Variants in NDRG2 observed in about 807,000 individuals in gnomAD.
NDRG2 encodes NDRG family member 2, also known as protein NDRG2.
A neutral mutation model predicts 58.2 loss-of-function variants in NDRG2; 34 were observed. The observed-to-expected ratio is 0.58, with a 90% CI of 0.44 to 0.78. The LOEUF (loss-of-function observed/expected upper bound fraction) is 0.78. Ranked by LOEUF, NDRG2 falls within the 30% of genes least tolerant of loss-of-function variation. NDRG2 has a pLI of 0.00. For synonymous variants in NDRG2, 187 were observed against 175.9 expected (o/e 1.06, Z -0.50); for missense variants, 434 against 471.2 (o/e 0.92, Z 0.73).
At chr14:21,051,780 C>T (rs1419645059) in intron 1 of NDRG2, among the ~76,000 whole-genome samples, 1 of 152,178 alleles carries the variant, frequency 6.6e-6, no homozygotes, top group Non-Finnish European at 1.5e-5. Flanking sequence ...ACAGGTCTGT[C>T]ACCACCAGGA....
At chr14:21,031,352 A>C in intron 1 of NDRG2, 1 of 660,266 alleles carries the variant, frequency 1.5e-6, no homozygotes, top group Admixed American at 3.5e-5. Context: ...CCCAAGGTCC[A>C]TGGCTATTTT....
chr14:21,018,739 C>T lies in NDRG2; in HGVS notation c.813+24G>A, dbSNP rs758960135. 5 of 1,614,016 alleles carry T rather than the reference C, an allele frequency of 3.1e-6. No individual in the cohort carries two copies. In the South Asian group the frequency reaches 5.5e-5, roughly 18 times the overall value. ...TTAGGACCCCAACCCTCCTCCCTCACTCACCCCAAAATTCCCTACTAACCA... is the reference window on the plus strand; with the variant it reads ...TTAGGACCCCAACCCTCCTCCCTCATTCACCCCAAAATTCCCTACTAACCA... On this transcript the variant is annotated intron_variant, in intron 12 of 15. Transcript: ENST00000556147.
intron 1 of NDRG2, chr14:21,042,553 T>G: frequency 1.1e-5 from 2 of 184,462 alleles, no homozygotes; most frequent in East Asian, 3.2e-4. Flanking sequence ...AGGGACTGGA[T>G]TTAGGGGAGA....
chr14:21,020,946 C>G (rs1416734580), intron 6 of NDRG2, 102 bp from the exon 7 acceptor site: 1 of 1,315,356 alleles, frequency 7.6e-7, no homozygotes, highest in East Asian at 2.3e-5. Flanking sequence ...AGTCCACGGG[C>G]ACAAAGAAAG....
At chr14:21,055,728 C>A (rs1885646356) in intron 1 of NDRG2, among the ~76,000 whole-genome samples, 1 of 152,144 alleles carries the variant, frequency 6.6e-6, no homozygotes. Flanking sequence ...CCATCCCCAC[C>A]CTCTCATTTC....
At chr14:21,069,718 G>GC (rs1156635304) in intron 1 of NDRG2, among the ~76,000 whole-genome samples, 1 of 152,232 alleles carries the variant, frequency 6.6e-6, no homozygotes, top group Non-Finnish European at 1.5e-5. Flanking sequence ...GGGCGGGCAA[G>GC]CCCCCGGGGG....
intron 1 of NDRG2, chr14:21,030,989 T>C (rs1264616543): frequency 6.3e-7 from 1 of 1,585,996 alleles, no homozygotes; most frequent in Non-Finnish European, 8.6e-7. Context: ...CCAAAGTTTC[T>C]GGATTTCTGT....
chr14:21,020,961 A>G, intron 6 of NDRG2, 117 bp from the exon 7 acceptor site: 1 of 1,152,780 alleles, frequency 8.7e-7, no homozygotes, highest in South Asian at 1.3e-5. Flanking sequence ...AGAAAGGCAG[A>G]CACGGACCTT....
chr14:21,069,589 C>T (rs1886510462), intron 1 of NDRG2, among the ~76,000 whole-genome samples: 2 of 152,208 alleles, frequency 1.3e-5, no homozygotes, highest in Admixed American at 6.5e-5. Context: ...GGATGTCCGC[C>T]CCCTATCCCA....
chr14:21,026,117 G>T (rs544985360), upstream of NDRG2, among the ~76,000 whole-genome samples: 321 of 152,174 alleles, frequency 2.1e-3, no homozygotes, highest in African/African-American at 7.5e-3. Flanking sequence ...GCCCGAGTGG[G>T]TTTGCCACTG....
chr14:21,032,043 A>G, intron 1 of NDRG2: 6 of 1,614,164 alleles, frequency 3.7e-6, no homozygotes, highest in Non-Finnish European at 5.1e-6. Context: ...AGTGGTTACA[A>G]GGGTTCTGGC....
upstream of NDRG2, among the ~76,000 whole-genome samples, chr14:21,027,707 A>G (rs1465333848): frequency 6.6e-6 from 1 of 152,232 alleles, no homozygotes; most frequent in Non-Finnish European, 1.5e-5. Flanking sequence ...CACTCTTTAT[A>G]CATACAGATT....
intron 1 of NDRG2, chr14:21,058,520 C>G: frequency 1.6e-6 from 1 of 609,166 alleles, no homozygotes; most frequent in South Asian, 2.1e-5. Flanking sequence ...TACAGACGCT[C>G]CAAACGATGA....
chr14:21,025,811 G>T (rs1489475030), upstream of NDRG2: 4 of 751,576 alleles, frequency 5.3e-6, no homozygotes, highest in African/African-American at 5.7e-5. The surrounding 1 kb of genome is among the most constrained non-coding windows in gnomAD (Gnocchi z 5.1). Flanking sequence ...CAGGCGGGGG[G>T]TGGGGAGAGG....
intron 1 of NDRG2, chr14:21,034,289 T>G: frequency 6.2e-7 from 1 of 1,605,788 alleles, no homozygotes; most frequent in Admixed American, 1.7e-5. Flanking sequence ...CTGGTGCCAT[T>G]CCTCCTGCTG....
chr14:21,021,503 T>C, intron 6 of NDRG2: 1 of 384,440 alleles, frequency 2.6e-6, no homozygotes, highest in South Asian at 2.8e-5. Flanking sequence ...GTCTATCTGG[T>C]TCCTCAGGGA....
chr14:21,065,271 C>T (rs1286609443), intron 1 of NDRG2, among the ~76,000 whole-genome samples: 4 of 151,990 alleles, frequency 2.6e-5, no homozygotes, highest in Non-Finnish European at 5.9e-5. Flanking sequence ...AAAAAAACCT[C>T]ATGAGGACTG....
rs765720070 is a variant in NDRG2 at position 21,018,002 on chromosome 14, G to C, written c.934C>G (p.Gln312Glu). The change falls in exon 15 of 16, where the codon CAA becomes GAA. Residue 312 changes from glutamine to glutamate, a missense_variant. Physicochemically the swap from Gln to Glu is conservative, Grantham distance 29. Coordinates refer to ENST00000556147, the MANE Select transcript of NDRG2 (RefSeq NM_001320329.2). ...CGATACTCACTGTAGCCCATGCCTTGCAGGAAGTACTTGAAGGCCTCGGTC... is the reference window on the plus strand; with the variant it reads ...CGATACTCACTGTAGCCCATGCCTTCCAGGAAGTACTTGAAGGCCTCGGTC... Reference protein sequence around the residue: ...KLTEAFKYFLQGMGYMASSCM... With the variant: ...KLTEAFKYFLEGMGYMASSCM... 6.2e-7 allele frequency: 1 copy of C among 1,614,084 alleles called. No individual in the cohort carries two copies. The highest frequency in any genetic ancestry group is 8.5e-7 in the Non-Finnish European group (1 of 1,180,050).
At chr14:21,061,049 G>A (rs1453985599) in intron 1 of NDRG2, among the ~76,000 whole-genome samples, 1 of 152,210 alleles carries the variant, frequency 6.6e-6, no homozygotes, top group Non-Finnish European at 1.5e-5. Flanking sequence ...CTTGTTGAGA[G>A]GGCGAGATTA....
Sources: allele counts gnomAD v4.1 joint callset (sites outside exome capture counted in the v4.1 genomes callset), GRCh38; gene constraint gnomAD v4.1.1; non-coding constraint Gnocchi (gnomAD v3.1); transcripts MANE v1.5; gene names NCBI Gene and HGNC (gene_info 2026-07-23, HGNC 2026-07-21).